GRID2: variants seen among roughly 807,000 people sequenced by gnomAD.
The protein encoded by GRID2 is glutamate receptor ionotropic, delta-2.
Under a neutral mutation model 114.8 loss-of-function variants are expected in GRID2, and 33 were observed. The ratio of observed to expected loss-of-function variants is 0.29; its 90% CI spans 0.22 to 0.38. The LOEUF (loss-of-function observed/expected upper bound fraction) is 0.38, where lower values mean the gene tolerates loss of function less well. Among genes scored for constraint, GRID2 ranks in the 10% least tolerant of loss-of-function variants. The pLI is 1.00. For synonymous variants in GRID2, 505 were observed against 449.9 expected, an observed-to-expected ratio of 1.12 and a Z score of -1.55; for missense variants, 1,184 against 1,257.7, an observed-to-expected ratio of 0.94 and a Z score of 0.89.
chr4:93,316,316 G>GAAAGAAAGAAAGAAAGAAAGAAAA (rs1560490653), intron 8 of GRID2, among the ~76,000 whole-genome samples: 19 of 138,060 alleles, frequency 1.4e-4, no homozygotes, highest in Non-Finnish European at 2.5e-4. Flanking sequence ...AAGAAAGAAA[G>GAAAGAAAGAAAGAAAGAAAGAAAA]AAAGAAAGAA....
intron 2 of GRID2, among the ~76,000 whole-genome samples, chr4:93,032,306 G>GA (rs1214985095): frequency 6.6e-6 from 1 of 152,046 alleles, no homozygotes; most frequent in Non-Finnish European, 1.5e-5. Flanking sequence ...AGTCATCAGA[G>GA]AAAAAAGAAG....
chr4:92,839,747 T>C (rs1742744295), intron 2 of GRID2, among the ~76,000 whole-genome samples: 1 of 152,064 alleles, frequency 6.6e-6, no homozygotes, highest in East Asian at 1.9e-4. Flanking sequence ...ATCTAGTCTA[T>C]TCTTTGAGAA....
At chr4:92,890,096 A>C (rs1438352973) in intron 2 of GRID2, among the ~76,000 whole-genome samples, 1 of 152,120 alleles carries the variant, frequency 6.6e-6, no homozygotes, top group Non-Finnish European at 1.5e-5. Context: ...CCATCCTTAC[A>C]CCTTATACAA....
Position 93,730,886 on chromosome 4 carries a change from A to G in GRID2, c.2361-38324A>G, listed in dbSNP as rs1476450143. ...TGGGGGTAGGAATGCAAATATGCATAAACTATGGTCTGCCAGGGAGGCCTG... is the reference window on the plus strand; with the variant it reads ...TGGGGGTAGGAATGCAAATATGCATGAACTATGGTCTGCCAGGGAGGCCTG... On this transcript the variant is annotated intron_variant, in intron 14 of 15. Transcript: ENST00000282020. 2.0e-5 allele frequency among the ~76,000 whole-genome samples: 3 copies of G among 152,346 alleles called. No homozygotes were observed. The South Asian group carries it at 6.2e-4, about 32-fold the overall frequency.
At chr4:93,220,369 T>C (rs1744733845) in intron 6 of GRID2, among the ~76,000 whole-genome samples, 1 of 152,046 alleles carries the variant, frequency 6.6e-6, no homozygotes, top group African/African-American at 2.4e-5. Flanking sequence ...CTTGACAGAG[T>C]GATGACACTG....
intron 14 of GRID2, among the ~76,000 whole-genome samples, chr4:93,768,346 G>C (rs1733840399): frequency 6.6e-6 from 1 of 152,198 alleles, no homozygotes; most frequent in South Asian, 2.1e-4. Context: ...AGCTGGAGGA[G>C]GGCCACATCT....
At chr4:92,958,518 C>A (rs759095345) in intron 2 of GRID2, among the ~76,000 whole-genome samples, 3 of 152,026 alleles carry the variant, frequency 2.0e-5, no homozygotes, top group Non-Finnish European at 4.4e-5. Flanking sequence ...CGGGATAAAT[C>A]CCACTTGGTC....
chr4:92,710,107 T>A (rs976061004), intron 2 of GRID2, among the ~76,000 whole-genome samples: 9 of 152,274 alleles, frequency 5.9e-5, no homozygotes, highest in African/African-American at 2.2e-4. Context: ...ATCATTACTT[T>A]TATTAAAATT....
At position 92,460,032 on chromosome 4, in the gene GRID2, C is replaced by CTATATATATATATATATATATATATA. The variant is rs373743453; in HGVS notation, c.89-130077_89-130076insTATATATATATATATATATATATATA. On this transcript the variant is annotated intron_variant, in intron 1 of 15. Coordinates refer to ENST00000282020, the MANE Select transcript of GRID2 (RefSeq NM_001510.4). ...AGCCCATTCCTTAAAATAAATCTCACTATATATATATATATATATATACAC... is the reference window on the plus strand; with the variant it reads ...AGCCCATTCCTTAAAATAAATCTCACTATATATATATATATATATATATATATATATATATATATATATATATACAC... Among the ~76,000 whole-genome samples, 228 of 48,290 alleles carry CTATATATATATATATATATATATATA rather than the reference C, an allele frequency of 4.7e-3. 17 individuals are homozygous for CTATATATATATATATATATATATATA. The highest frequency in any genetic ancestry group is 0.013 in the Middle Eastern group (1 of 80). The allele number at this position is 48,290 out of a possible 152,430, so 31.7% of individuals were successfully genotyped here.
chr4:93,417,207 TCTC>T (rs1454882532), intron 9 of GRID2, among the ~76,000 whole-genome samples: 1 of 152,040 alleles, frequency 6.6e-6, no homozygotes, highest in Non-Finnish European at 1.5e-5. Flanking sequence ...CAAGCCATAA[TCTC>T]CTGTCATCTG....
Position 92,517,851 on chromosome 4 carries a change from T to C in GRID2, c.89-72280T>C, listed in dbSNP as rs116572925. 3.1e-3 allele frequency among the ~76,000 whole-genome samples: 474 copies of C among 151,956 alleles called. 3 individuals carry two copies. Among genetic ancestry groups the C allele is most frequent in the African/African-American group, 0.011 (451 of 41,518 alleles). On this transcript the variant is annotated intron_variant, in intron 1 of 15. Coordinates refer to ENST00000282020, the MANE Select transcript of GRID2 (RefSeq NM_001510.4). The stretch of plus-strand genomic sequence containing the variant: ...TTGTGTCCATATCTATAAATCACTT[T>C]ATCAGCTTTTGAGGTCTATCAAAGA...
intron 2 of GRID2, among the ~76,000 whole-genome samples, chr4:92,755,034 C>A (rs1432331528): frequency 6.6e-6 from 1 of 152,098 alleles, no homozygotes; most frequent in Non-Finnish European, 1.5e-5. Flanking sequence ...AATTCCCCTA[C>A]AAAGAGGGAA....
chr4:92,930,711 A>G (rs1398811962), intron 2 of GRID2, among the ~76,000 whole-genome samples: 1 of 150,902 alleles, frequency 6.6e-6, no homozygotes, highest in Non-Finnish European at 1.5e-5. Context: ...GTTGAAAGAA[A>G]AGTCCTGTCT....
rs1008155677 is a variant in GRID2 at position 92,943,209 on chromosome 4, A to G, written c.245-141786A>G. On this transcript the variant is annotated intron_variant, in intron 2 of 15. Coordinates refer to ENST00000282020, the MANE Select transcript of GRID2 (RefSeq NM_001510.4). ...CTCCCTGTCACTTTCAGGTACACCA[A>G]TCAGACATAGATTTGGTCTTTTCAC... 7.8e-4 allele frequency among the ~76,000 whole-genome samples: 118 copies of G among 152,174 alleles called. 1 individual carries two copies. The highest frequency in any genetic ancestry group is 1.9e-4 in the East Asian group (1 of 5,188).
In GRID2 at chr4:93,151,074, A is replaced by G. The variant is rs1736693130; in HGVS notation, c.735+40121A>G. Among the ~76,000 whole-genome samples, 4 of 149,900 alleles carry G rather than the reference A, an allele frequency of 2.7e-5. No individual in the cohort carries two copies. In the Admixed American group the frequency reaches 2.7e-4, roughly 10 times the overall value. On this transcript the variant is annotated intron_variant, in intron 4 of 15. Transcript: ENST00000282020. The stretch of plus-strand genomic sequence containing the variant: ...GGGATGCGGAGGTTACAGTAAGCCA[A>G]GATTGAGCCACTGCACTCTAGCCTA...
At chr4:92,915,000 T>C (rs1316704489) in intron 2 of GRID2, among the ~76,000 whole-genome samples, 1 of 152,180 alleles carries the variant, frequency 6.6e-6, no homozygotes, top group Non-Finnish European at 1.5e-5. Context: ...CAGATTCAAT[T>C]GACTCACAGT....
chr4:92,366,078 A>G (rs1307536760), intron 1 of GRID2, among the ~76,000 whole-genome samples: 2 of 152,086 alleles, frequency 1.3e-5, no homozygotes, highest in African/African-American at 4.8e-5. Flanking sequence ...GCTCTTATAG[A>G]CACTATGTCT....
chr4:92,774,393 C>G (rs890675727), intron 2 of GRID2, among the ~76,000 whole-genome samples: 2 of 151,986 alleles, frequency 1.3e-5, no homozygotes, highest in African/African-American at 4.8e-5. Context: ...ATCAGTGTAG[C>G]TTTTCTTATT....
At chr4:93,783,366 T>C (rs1170314486) in intron 1 of GRID2, among the ~76,000 whole-genome samples, 1 of 152,254 alleles carries the variant, frequency 6.6e-6, no homozygotes, top group African/African-American at 2.4e-5. Flanking sequence ...CACATCTCTC[T>C]AACTCAGAAA....
Sources: gnomAD v4.1 joint callset for allele counts (sites outside exome capture counted in the v4.1 genomes callset) on GRCh38, gnomAD v4.1.1 for gene constraint, MANE v1.5 for transcripts, NCBI Gene and HGNC (gene_info 2026-07-23, HGNC 2026-07-21) for gene names.